Variants in NEK10 observed in about 807,000 individuals in gnomAD.
NEK10 encodes serine/threonine-protein kinase Nek10.
Under a neutral mutation model 159.8 loss-of-function variants are expected in NEK10, and 122 were observed. The observed-to-expected ratio is 0.76, with a 90% CI of 0.66 to 0.89. The LOEUF (loss-of-function observed/expected upper bound fraction) is 0.89. Ranked by LOEUF, NEK10 falls within the 40% of genes least tolerant of loss-of-function variation. The probability of loss-of-function intolerance (pLI) is 0.00; values close to 1 mark genes in which losing one functional copy is unlikely to be tolerated. For missense variants in NEK10, 1,342 were observed against 1,323.1 expected, an observed-to-expected ratio of 1.01 and a Z score of -0.22; for synonymous variants, 466 against 457.1, an observed-to-expected ratio of 1.02 and a Z score of -0.25.
At position 27,299,566 on chromosome 3, in the gene NEK10, C is replaced by T. The variant is rs533316119; in HGVS notation, c.1168+2130G>A. ...GGAGCTGTAAGAAGCAGGCCACTGTCCTCCAGTAGAATGGCAGATCCACTG... is the reference window on the plus strand; with the variant it reads ...GGAGCTGTAAGAAGCAGGCCACTGTTCTCCAGTAGAATGGCAGATCCACTG... On this transcript the variant is annotated intron_variant, in intron 13 of 35. Transcript: ENST00000691995. Among the ~76,000 whole-genome samples, 3 of 152,286 alleles carry T rather than the reference C, an allele frequency of 2.0e-5. No individual in the cohort carries two copies. The South Asian group carries it at 6.2e-4, about 32-fold the overall frequency.
chr3:27,223,719 T>C (rs1050923001), intron 23 of NEK10, among the ~76,000 whole-genome samples: 9 of 152,186 alleles, frequency 5.9e-5, no homozygotes, highest in Admixed American at 3.3e-4. Flanking sequence ...CACTTGTCTA[T>C]TTCACAGCAA....
chr3:27,199,085 A>C (rs1559595847), intron 25 of NEK10, among the ~76,000 whole-genome samples: 1 of 149,700 alleles, frequency 6.7e-6, no homozygotes, highest in Non-Finnish European at 1.5e-5. Flanking sequence ...AAAAAAAAAA[A>C]AACAAAAAAA....
intron 30 of NEK10, among the ~76,000 whole-genome samples, chr3:27,151,071 C>T (rs1162079508): frequency 6.6e-6 from 1 of 152,002 alleles, no homozygotes; most frequent in Non-Finnish European, 1.5e-5. Flanking sequence ...TTCCTACCCA[C>T]CCTGGTAGCG....
chr3:27,179,315 G>A (rs901459724), intron 26 of NEK10, among the ~76,000 whole-genome samples: 1 of 152,004 alleles, frequency 6.6e-6, no homozygotes, highest in Non-Finnish European at 1.5e-5. Context: ...AAATTTTACT[G>A]TCATGACATA....
rs375717141 is a variant in NEK10, at chr3:27,170,157, C to T, written c.2831+1662G>A. ...GCTCCTTTGCTTGTATCCAAAAAGC[C>T]CTGCCTGCTATAGCACATCGCAGCC... is the stretch of plus-strand genomic sequence containing the variant. On this transcript the variant is annotated intron_variant, in intron 29 of 35. Coordinates refer to ENST00000691995, the MANE Select transcript of NEK10 (RefSeq NM_001394966.1). 3.3e-4 allele frequency among the ~76,000 whole-genome samples: 50 copies of T among 152,268 alleles called. 1 individual carries two copies. In the East Asian group the frequency reaches 6.0e-3, roughly 18 times the overall value.
intron 5 of NEK10, among the ~76,000 whole-genome samples, chr3:27,326,354 A>C (rs1183298704): frequency 6.6e-6 from 1 of 152,214 alleles, no homozygotes; most frequent in Non-Finnish European, 1.5e-5. Flanking sequence ...GCTGCTAGCA[A>C]CCTAGTGATG....
Position 27,352,462 on chromosome 3 carries a change from T to C in NEK10, c.132+3A>G, listed in dbSNP as rs370648753. 5.2e-5 allele frequency: 84 copies of C among 1,603,078 alleles called. No homozygotes were observed. Among genetic ancestry groups the C allele is most frequent in the South Asian group, 6.6e-5 (6 of 90,872 alleles). ...CCAAGTGAACATTCTTTGAAAACGC[T>C]ACCTGTTGTTTGCTTGATTGGACGT... On this transcript the variant is annotated splice_donor_region_variant and intron_variant, in intron 3 of 35. Coordinates refer to ENST00000691995, the MANE Select transcript of NEK10 (RefSeq NM_001394966.1).
At chr3:27,196,817 G>A (rs1049490533) in intron 25 of NEK10, among the ~76,000 whole-genome samples, 4 of 152,134 alleles carry the variant, frequency 2.6e-5, no homozygotes, top group East Asian at 1.9e-4. Flanking sequence ...CACCTCTGAC[G>A]ACTCTGTCAA....
chr3:27,279,712 A>C (rs2042013901), intron 22 of NEK10, among the ~76,000 whole-genome samples: 1 of 152,146 alleles, frequency 6.6e-6, no homozygotes, highest in Non-Finnish European at 1.5e-5. Context: ...CTAACCACAC[A>C]ATTGCTTTAG....
intron 23 of NEK10, among the ~76,000 whole-genome samples, chr3:27,203,210 A>G (rs146838744): frequency 6.6e-6 from 1 of 152,108 alleles, no homozygotes; most frequent in Non-Finnish European, 1.5e-5. Context: ...AGGCTCACAT[A>G]CCTGTGACTC....
At chr3:27,257,717 ACT>A (rs887227017) in intron 22 of NEK10, among the ~76,000 whole-genome samples, 1 of 151,266 alleles carries the variant, frequency 6.6e-6, no homozygotes, top group African/African-American at 2.4e-5. Context: ...CTGAATACTG[ACT>A]CTATTATGAG....
At chr3:27,325,485 G>A (rs956291336) in intron 5 of NEK10, among the ~76,000 whole-genome samples, 4 of 152,102 alleles carry the variant, frequency 2.6e-5, no homozygotes, top group African/African-American at 9.7e-5. Context: ...TCTGGGTACA[G>A]TTCATCTCTG....
Position 27,310,944 on chromosome 3 carries a change from C to G in NEK10, c.636+5G>C. ...GAAGCATTAACTCTTTCAGGGGCCACTCACCTTGTGGGCTCCACTTGTGGT... is the reference window on the plus strand; with the variant it reads ...GAAGCATTAACTCTTTCAGGGGCCAGTCACCTTGTGGGCTCCACTTGTGGT... On this transcript the variant is annotated splice_donor_5th_base_variant and intron_variant, in intron 9 of 35. Coordinates refer to ENST00000691995, the MANE Select transcript of NEK10 (RefSeq NM_001394966.1). 2 of 1,595,108 alleles carry G rather than the reference C, an allele frequency of 1.3e-6. No homozygotes were observed. Among genetic ancestry groups the G allele is most frequent in the Non-Finnish European group, 1.7e-6 (2 of 1,163,162 alleles).
chr3:27,285,519 C>CAAAA (rs5847456), intron 20 of NEK10, among the ~76,000 whole-genome samples: 4 of 132,096 alleles, frequency 3.0e-5, no homozygotes, highest in Non-Finnish European at 3.5e-5. Flanking sequence ...CTTTCAAAAG[C>CAAAA]AAAAAAAAAA....
chr3:27,363,718 T>C (rs1304956296), intron 1 of NEK10: 1 of 152,218 alleles, frequency 6.6e-6, no homozygotes, highest in African/African-American at 2.4e-5. Flanking sequence ...CAATAAGGTT[T>C]CCTAAAGGAA....
At chr3:27,209,241 C>T (rs956956501) in intron 23 of NEK10, among the ~76,000 whole-genome samples, 2 of 152,148 alleles carry the variant, frequency 1.3e-5, no homozygotes, top group Non-Finnish European at 2.9e-5. Context: ...ATTTCATTGG[C>T]CACCCTGTAT....
At chr3:27,161,454 G>A (rs1186650287) in intron 30 of NEK10, among the ~76,000 whole-genome samples, 1 of 152,108 alleles carries the variant, frequency 6.6e-6, no homozygotes, top group African/African-American at 2.4e-5. Flanking sequence ...ATAAACATTA[G>A]CTCTACAAAA....
intron 26 of NEK10, among the ~76,000 whole-genome samples, chr3:27,188,328 T>C (rs963265973): frequency 1.3e-5 from 2 of 152,216 alleles, no homozygotes; most frequent in East Asian, 1.9e-4. Flanking sequence ...AAGTAGATTA[T>C]CAGTTACTTC....
chr3:27,259,454 AG>A lies in NEK10; in HGVS notation c.2015-3084del, dbSNP rs2040201060. Among the ~76,000 whole-genome samples the A allele has an allele frequency of 2.6e-5, 4 of 152,310 alleles. No homozygotes were observed. In the South Asian group the frequency reaches 6.2e-4, roughly 24 times the overall value. On this transcript the variant is annotated intron_variant, in intron 22 of 35. Coordinates refer to ENST00000691995, the MANE Select transcript of NEK10 (RefSeq NM_001394966.1). ...CTACATATGGCTAGCGAGTTTTCCC[AG>A]CACCGTTTATTAAATAGGGAATCCT...
Sources: gnomAD v4.1 joint callset for allele counts (sites outside exome capture counted in the v4.1 genomes callset) on GRCh38, gnomAD v4.1.1 for gene constraint, MANE v1.5 for transcripts, NCBI Gene and HGNC (gene_info 2026-07-23, HGNC 2026-07-21) for gene names.